Variants in TRHDE observed in about 807,000 individuals in gnomAD.
TRHDE encodes the protein thyrotropin-releasing hormone-degrading ectoenzyme.
Under a neutral mutation model 125.7 loss-of-function variants are expected in TRHDE, and 72 were observed. The ratio of observed to expected loss-of-function variants is 0.57; its 90% CI spans 0.47 to 0.70. The LOEUF is 0.70. TRHDE is among the 30% of genes least tolerant of loss of function. The pLI is 0.00. For synonymous variants in TRHDE, 509 were observed against 509.1 expected, an observed-to-expected ratio of 1.00 and a Z score of 0.00; for missense variants, 1,110 against 1,327.1, an observed-to-expected ratio of 0.84 and a Z score of 2.54.
intron 3 of TRHDE, among the ~76,000 whole-genome samples, chr12:72,403,463 C>A (rs1873131962): frequency 6.6e-6 from 1 of 152,098 alleles, no homozygotes; most frequent in Non-Finnish European, 1.5e-5. Flanking sequence ...ATTTCATTCT[C>A]ACAGCAACCT....
intron 2 of TRHDE, among the ~76,000 whole-genome samples, chr12:72,111,593 T>C (rs892260872): frequency 6.6e-6 from 1 of 152,122 alleles, no homozygotes; most frequent in Non-Finnish European, 1.5e-5. Flanking sequence ...TTAATTGAAG[T>C]AATTAGAAGC....
chr12:72,526,554 T>A (rs1296489208), intron 6 of TRHDE, among the ~76,000 whole-genome samples: 1 of 152,144 alleles, frequency 6.6e-6, no homozygotes, highest in Non-Finnish European at 1.5e-5. Context: ...TGCAAAGATA[T>A]TTTCTCAAAT....
chr12:72,198,905 G>A (rs1877497696), intron 2 of TRHDE, among the ~76,000 whole-genome samples: 2 of 151,942 alleles, frequency 1.3e-5, no homozygotes, highest in Non-Finnish European at 2.9e-5. Flanking sequence ...TGAAGGGGGA[G>A]CAGGCACGTC....
At chr12:72,296,205 A>G (rs1395731962) in intron 2 of TRHDE, among the ~76,000 whole-genome samples, 1 of 152,236 alleles carries the variant, frequency 6.6e-6, no homozygotes, top group Non-Finnish European at 1.5e-5. Flanking sequence ...CCACCATGTC[A>G]AGGGTTTTCA....
intron 2 of TRHDE, among the ~76,000 whole-genome samples, chr12:72,250,112 A>G (rs1878648806): frequency 6.6e-6 from 1 of 152,214 alleles, no homozygotes; most frequent in Non-Finnish European, 1.5e-5. Context: ...CTATAGTGAT[A>G]AAAAGCAAAA....
chr12:72,265,780 CTG>C (rs996847204), intron 2 of TRHDE, among the ~76,000 whole-genome samples: 1 of 151,902 alleles, frequency 6.6e-6, no homozygotes, highest in African/African-American at 2.4e-5. Flanking sequence ...GTCAACATGA[CTG>C]TATCTTTGAC....
intron 2 of TRHDE, among the ~76,000 whole-genome samples, chr12:72,217,166 T>G (rs1162982311): frequency 6.6e-6 from 1 of 152,148 alleles, no homozygotes; most frequent in Non-Finnish European, 1.5e-5. Context: ...AATGAAGGTA[T>G]AGGAACAGGT....
chr12:72,289,449 C>T (rs4639975), intron 2 of TRHDE, among the ~76,000 whole-genome samples: 105,055 of 151,972 alleles, frequency 0.69, 36,353 homozygotes, highest in East Asian at 0.83. Context: ...GAATCCAAGG[C>T]TGCAGCCATG....
chr12:72,579,939 T>A (rs976149880), intron 12 of TRHDE, among the ~76,000 whole-genome samples: 10 of 152,194 alleles, frequency 6.6e-5, no homozygotes, highest in African/African-American at 2.2e-4. Context: ...CTTTGTTCTT[T>A]TTTGCACCAT....
intron 2 of TRHDE, among the ~76,000 whole-genome samples, chr12:72,266,360 A>G (rs1303027817): frequency 6.6e-6 from 1 of 151,932 alleles, no homozygotes; most frequent in African/African-American, 2.4e-5. Context: ...TTTTGGATGC[A>G]TTGAAGAGGT....
chr12:72,471,157 C>T (rs140224107), intron 4 of TRHDE, among the ~76,000 whole-genome samples: 1,549 of 152,118 alleles, frequency 0.01, 67 homozygotes, highest in Admixed American at 0.075. Context: ...GGATTACAGG[C>T]GTGAGCCACC....
intron 2 of TRHDE, among the ~76,000 whole-genome samples, chr12:72,377,288 T>C (rs1428168324): frequency 6.7e-6 from 1 of 149,118 alleles, no homozygotes; most frequent in Non-Finnish European, 1.5e-5. Context: ...TTCAGTTTCA[T>C]GTTACTTGCT....
rs139541935 is a variant in TRHDE at position 72,181,023 on chromosome 12, C to A, written n.279+75271C>A. ...TGACCTGGTAATTGTTGATGGCAGT[C>A]CTGTATGAAGGTACCTGATTCTTGG... On this transcript the variant is annotated intron_variant and non_coding_transcript_variant, in intron 2 of 4. Coordinates refer to the TRHDE transcript ENST00000548156. Among the ~76,000 whole-genome samples the A allele has an allele frequency of 6.8e-4, 104 of 152,174 alleles. 1 individual carries two copies. In the East Asian group the frequency reaches 0.016, roughly 24 times the overall value.
intron 2 of TRHDE, among the ~76,000 whole-genome samples, chr12:72,132,559 A>G (rs570466216): frequency 2.4e-4 from 37 of 152,304 alleles, no homozygotes; most frequent in African/African-American, 8.7e-4. Flanking sequence ...ACCTCCTTAC[A>G]ATACTCTTGC....
intron 3 of TRHDE, among the ~76,000 whole-genome samples, chr12:72,405,370 C>T (rs1873221516): frequency 6.6e-6 from 1 of 152,166 alleles, no homozygotes; most frequent in Non-Finnish European, 1.5e-5. Context: ...ATTGTGTTTA[C>T]TATGTTTATG....
intron 18 of TRHDE, among the ~76,000 whole-genome samples, chr12:72,660,347 G>A (rs1005686283): frequency 6.6e-6 from 1 of 152,152 alleles, no homozygotes; most frequent in Non-Finnish European, 1.5e-5. Flanking sequence ...ATGTCTGTGG[G>A]TAGGCCTGGA....
chr12:72,574,813 A>AG (rs1383189546), intron 10 of TRHDE, among the ~76,000 whole-genome samples: 2 of 152,152 alleles, frequency 1.3e-5, no homozygotes, highest in Non-Finnish European at 2.9e-5. Context: ...GGCAAACAAC[A>AG]GTGACTTTCA....
intron 12 of TRHDE, among the ~76,000 whole-genome samples, chr12:72,602,575 G>A (rs1032417301): frequency 2.0e-5 from 3 of 152,152 alleles, no homozygotes; most frequent in Admixed American, 6.5e-5. Flanking sequence ...AGAAGCAGGG[G>A]GCAGAAGTGG....
chr12:72,614,455 G>T (rs372286984), intron 12 of TRHDE, among the ~76,000 whole-genome samples: 2 of 151,112 alleles, frequency 1.3e-5, no homozygotes, highest in South Asian at 2.1e-4. Flanking sequence ...TACCGTAAAA[G>T]ATTTTCCCAC....
Sources: allele counts gnomAD v4.1 joint callset (sites outside exome capture counted in the v4.1 genomes callset), GRCh38; gene constraint gnomAD v4.1.1; transcripts MANE v1.5; gene names NCBI Gene and HGNC (gene_info 2026-07-23, HGNC 2026-07-21).